RARB: variants seen among roughly 807,000 people sequenced by gnomAD.
RARB encodes the protein HBV-activated protein.
In RARB, 17 loss-of-function variants were observed where a neutral mutation model predicts 51.9. That is an observed-to-expected ratio of 0.33 (90% CI 0.22 to 0.49). RARB has a LOEUF of 0.49. Ranked by LOEUF, RARB falls within the 20% of genes least tolerant of loss-of-function variation. RARB has a pLI of 0.99. For synonymous variants in RARB, 215 were observed against 195.4 expected (o/e 1.10, Z -0.84); for missense variants, 369 against 550.8 (o/e 0.67, Z 3.30).
chr3:25,065,245 A>G (rs149599321), intron 3 of RARB, among the ~76,000 whole-genome samples: 201 of 152,044 alleles, frequency 1.3e-3, no homozygotes, highest in Non-Finnish European at 2.5e-3. Flanking sequence ...TTTGTGTATC[A>G]TTTTCTCCTA....
chr3:25,431,089 A>T (rs1281225825), intron 1 of RARB, among the ~76,000 whole-genome samples: 1 of 150,148 alleles, frequency 6.7e-6, no homozygotes, highest in African/African-American at 2.5e-5. Context: ...AAATAAAAGT[A>T]TATTAGGGCT....
intron 5 of RARB, among the ~76,000 whole-genome samples, chr3:25,223,101 T>C (rs1362535963): frequency 2.0e-5 from 3 of 152,322 alleles, no homozygotes; most frequent in African/African-American, 7.2e-5. Flanking sequence ...CTATATATAA[T>C]CATGTAACTA....
At chr3:25,412,937 T>A (rs928879406) in intron 5 of RARB, among the ~76,000 whole-genome samples, 1 of 151,978 alleles carries the variant, frequency 6.6e-6, no homozygotes, top group African/African-American at 2.4e-5. Context: ...GAGAATCACT[T>A]GAACCCGGGA....
chr3:24,841,610 C>T (rs1333506543), intron 1 of RARB, among the ~76,000 whole-genome samples: 1 of 152,140 alleles, frequency 6.6e-6, no homozygotes, highest in African/African-American at 2.4e-5. Context: ...TAGTAAAAAA[C>T]AAGTAGACCA....
chr3:25,158,263 A>G (rs993692948), intron 4 of RARB, among the ~76,000 whole-genome samples: 16 of 152,236 alleles, frequency 1.1e-4, no homozygotes, highest in Non-Finnish European at 2.2e-4. Context: ...TATCATATAG[A>G]AAACCAAATC....
intron 1 of RARB, among the ~76,000 whole-genome samples, chr3:24,840,440 G>A (rs1162076683): frequency 3.3e-5 from 5 of 152,186 alleles, no homozygotes; most frequent in African/African-American, 1.2e-4. Flanking sequence ...GAAATGCCCA[G>A]CAAGGAATGA....
At chr3:25,168,533 A>T (rs1023954795) in intron 4 of RARB, among the ~76,000 whole-genome samples, 3 of 152,210 alleles carry the variant, frequency 2.0e-5, no homozygotes, top group Non-Finnish European at 4.4e-5. Flanking sequence ...ACCTAGAACT[A>T]TTCTTAATAT....
intron 2 of RARB, among the ~76,000 whole-genome samples, chr3:25,495,942 G>T (rs1433919535): frequency 1.3e-5 from 2 of 152,184 alleles, no homozygotes; most frequent in African/African-American, 4.8e-5. Flanking sequence ...TATAACAAAA[G>T]ACATAGTCAA....
At chr3:24,980,882 T>C (rs1696649707) in intron 2 of RARB, among the ~76,000 whole-genome samples, 1 of 152,224 alleles carries the variant, frequency 6.6e-6, no homozygotes, top group Non-Finnish European at 1.5e-5. Flanking sequence ...CTGCTCTGGT[T>C]TCTCCCCATC....
intron 3 of RARB, among the ~76,000 whole-genome samples, chr3:25,081,594 TATATATATATATATATATATA>T: frequency 5.8e-5 from 1 of 17,340 alleles, no homozygotes; most frequent in African/African-American, 2.6e-4. Context: ...TACATATATA[TATATATATATATATATATATA>T]TATATATTTT....
chr3:25,542,844 C>A (rs1559459269), intron 3 of RARB, among the ~76,000 whole-genome samples: 1 of 152,282 alleles, frequency 6.6e-6, no homozygotes. Flanking sequence ...ATAATCCTTA[C>A]AATAACTCTG....
chr3:24,964,266 A>G (rs925817038), intron 2 of RARB, among the ~76,000 whole-genome samples: 4 of 152,204 alleles, frequency 2.6e-5, no homozygotes, highest in African/African-American at 9.6e-5. Context: ...GATATTTTGT[A>G]GGAATTTACA....
At chr3:25,332,429 T>C (rs1704927718) in intron 5 of RARB, among the ~76,000 whole-genome samples, 1 of 152,174 alleles carries the variant, frequency 6.6e-6, no homozygotes, top group South Asian at 2.1e-4. Context: ...AAAAACCACA[T>C]GATTATCTCA....
At chr3:25,445,189 A>T (rs1188013541) in intron 1 of RARB, among the ~76,000 whole-genome samples, 1 of 152,056 alleles carries the variant, frequency 6.6e-6, no homozygotes, top group Non-Finnish European at 1.5e-5. Flanking sequence ...AGCTCAGGCA[A>T]TCTGCCCGCC....
At chr3:25,298,498 G>A (rs1287347536) in intron 5 of RARB, among the ~76,000 whole-genome samples, 1 of 152,252 alleles carries the variant, frequency 6.6e-6, no homozygotes, top group South Asian at 2.1e-4. Flanking sequence ...AGGCTGTGCC[G>A]ACATTCCTTT....
intron 3 of RARB, among the ~76,000 whole-genome samples, chr3:25,064,068 T>C (rs1698609076): frequency 1.3e-5 from 2 of 152,108 alleles, no homozygotes; most frequent in South Asian, 4.1e-4. Flanking sequence ...GGTGGGTGGA[T>C]AGAACCTAGC....
chr3:25,147,365 TTGTTCCAA>T (rs1485026368), intron 4 of RARB, among the ~76,000 whole-genome samples: 1 of 152,130 alleles, frequency 6.6e-6, no homozygotes, highest in East Asian at 1.9e-4. Flanking sequence ...GGGCAGCCCC[TTGTTCCAA>T]TGTGCCATGG....
chr3:25,324,741 G>A (rs1241319940), intron 5 of RARB: 1 of 152,510 alleles, frequency 6.6e-6, no homozygotes, highest in Non-Finnish European at 1.5e-5. Context: ...CAGACAGGAA[G>A]GGGCTGGAGA....
At chr3:25,052,834 A>G (rs1169924067) in intron 2 of RARB, among the ~76,000 whole-genome samples, 3 of 152,088 alleles carry the variant, frequency 2.0e-5, no homozygotes, top group Non-Finnish European at 4.4e-5. Context: ...ACGAGAGAAG[A>G]GAAGCCAGGA....
Sources: allele counts gnomAD v4.1 joint callset (sites outside exome capture counted in the v4.1 genomes callset), GRCh38; gene constraint gnomAD v4.1.1; transcripts MANE v1.5; gene names NCBI Gene and HGNC (gene_info 2026-07-23, HGNC 2026-07-21).